GXYLT2: variants seen among roughly 807,000 people sequenced by gnomAD.
The protein encoded by GXYLT2 is glycosyltransferase 8 domain containing 4.
In GXYLT2, 53 loss-of-function variants were observed where a neutral mutation model predicts 45.8. The observed-to-expected ratio is 1.16, with a 90% CI of 0.93 to 1.46. The LOEUF (loss-of-function observed/expected upper bound fraction) is 1.46, where lower values mean the gene tolerates loss of function less well. Among genes scored for constraint, GXYLT2 ranks in the 40% most tolerant of loss-of-function variants. The probability of loss-of-function intolerance (pLI) is 0.00; values close to 1 mark genes in which losing one functional copy is unlikely to be tolerated. For synonymous variants in GXYLT2, 219 were observed against 214.2 expected (o/e 1.02, Z -0.19); for missense variants, 551 against 544.4 (o/e 1.01, Z -0.12).
At chr3:72,922,850 G>A (rs145770255) in intron 3 of GXYLT2, among the ~76,000 whole-genome samples, 4 of 152,132 alleles carry the variant, frequency 2.6e-5, no homozygotes, top group Admixed American at 6.5e-5. Flanking sequence ...CCGGCATGGC[G>A]GCTCACACCT....
At chr3:72,967,402 A>G (rs1710886618) in intron 5 of GXYLT2, 145 bp from the exon 6 acceptor site, 1 of 564,500 alleles carries the variant, frequency 1.8e-6, no homozygotes, top group Admixed American at 3.4e-5. Context: ...ATGGGGCAAA[A>G]TTTGATCTAT....
At chr3:72,915,357 G>GT (rs1491128699) in intron 2 of GXYLT2, among the ~76,000 whole-genome samples, 2 of 54,676 alleles carry the variant, frequency 3.7e-5, no homozygotes, top group African/African-American at 2.9e-4. Context: ...TTTTTTTTGC[G>GT]GGGGGGGGGG....
Position 72,908,366 on chromosome 3 carries a change from G to A in GXYLT2, c.276-1G>A. 6.3e-7 allele frequency: 1 copy of A among 1,578,250 alleles called. No homozygotes were observed. The highest frequency in any genetic ancestry group is 1.2e-5 in the South Asian group (1 of 85,428). On this transcript the variant is annotated splice_acceptor_variant, in intron 1 of 6. Transcript: ENST00000389617. LOFTEE classifies it high-confidence loss of function. ...CTTTCACTTGTTTTCCCTCTTTCTA[G>A]GAGGCCTGGAGAACCCAGGAGTTTC...
chr3:72,973,159 T>C, intron 6 of GXYLT2, among the ~76,000 whole-genome samples: 1 of 151,454 alleles, frequency 6.6e-6, no homozygotes, highest in South Asian at 2.1e-4. Context: ...GTAAAAAGAG[T>C]GGGCTGATGG....
At chr3:72,945,166 T>TA (rs1310107672) in intron 3 of GXYLT2, among the ~76,000 whole-genome samples, 1 of 149,532 alleles carries the variant, frequency 6.7e-6, no homozygotes, top group East Asian at 1.9e-4. Context: ...CAGGCGCCTG[T>TA]AGTCCCTGCT....
chr3:72,954,147 A>C (rs1710578576), intron 3 of GXYLT2, among the ~76,000 whole-genome samples: 1 of 151,946 alleles, frequency 6.6e-6, no homozygotes, highest in East Asian at 1.9e-4. Context: ...CTCTGTTGCC[A>C]GGCTAGAGTG....
At chr3:72,934,644 G>A (rs146422790) in intron 3 of GXYLT2, among the ~76,000 whole-genome samples, 1 of 152,228 alleles carries the variant, frequency 6.6e-6, no homozygotes, top group Admixed American at 6.5e-5. Context: ...CAGATTGCCT[G>A]TTTCATACTG....
At chr3:72,918,542 G>A (rs1019580382) in intron 2 of GXYLT2, among the ~76,000 whole-genome samples, 5 of 152,076 alleles carry the variant, frequency 3.3e-5, no homozygotes, top group African/African-American at 9.7e-5. Context: ...AAATTGAGAA[G>A]GGCCAGCCAC....
At chr3:72,907,174 C>T (rs908523794) in intron 1 of GXYLT2, among the ~76,000 whole-genome samples, 18 of 152,186 alleles carry the variant, frequency 1.2e-4, no homozygotes, top group Middle Eastern at 3.4e-3. Context: ...CTGTGATCCC[C>T]GAAGTAAATG....
chr3:72,942,898 T>G (rs886605169), intron 3 of GXYLT2, among the ~76,000 whole-genome samples: 1 of 152,196 alleles, frequency 6.6e-6, no homozygotes, highest in African/African-American at 2.4e-5. Flanking sequence ...GTTCTTTAGT[T>G]TATTTAGTAG....
chr3:72,918,544 G>A (rs1343560684), intron 2 of GXYLT2, among the ~76,000 whole-genome samples: 2 of 152,094 alleles, frequency 1.3e-5, no homozygotes, highest in Non-Finnish European at 2.9e-5. Flanking sequence ...ATTGAGAAGG[G>A]CCAGCCACGG....
In GXYLT2 at chr3:72,888,140, C is replaced by A; in HGVS notation, c.-94C>A. 1.1e-6 allele frequency: 1 copy of A among 883,898 alleles called. No homozygotes were observed. Among genetic ancestry groups the A allele is most frequent in the Non-Finnish European group, 1.4e-6 (1 of 739,102 alleles). The allele number at this position is 883,898 out of a possible 1,614,324, so 54.8% of individuals were successfully genotyped here. A position where few individuals can be genotyped will look rare whatever the true frequency, so the allele number is the denominator to read the frequency against. Reference sequence around the variant, plus strand: ...GTCCCCGGCGGGCGGGCGGAGGAGGCGACCGCCGCGCGCTGCTGCACTCAT... The same window carrying A: ...GTCCCCGGCGGGCGGGCGGAGGAGGAGACCGCCGCGCGCTGCTGCACTCAT... On this transcript the variant is annotated 5_prime_UTR_variant, in exon 1 of 7. Coordinates refer to ENST00000389617, the MANE Select transcript of GXYLT2 (RefSeq NM_001080393.2).
At chr3:72,959,516 C>T (rs1710727683) in intron 5 of GXYLT2, among the ~76,000 whole-genome samples, 1 of 152,192 alleles carries the variant, frequency 6.6e-6, no homozygotes, top group African/African-American at 2.4e-5. Flanking sequence ...CGGCCTCGGC[C>T]TCCCAAAGTG....
At chr3:72,920,224 T>G (rs940569957) in intron 2 of GXYLT2, among the ~76,000 whole-genome samples, 18 of 152,294 alleles carry the variant, frequency 1.2e-4, no homozygotes, top group Admixed American at 9.8e-4. Flanking sequence ...AGCCTCCGCC[T>G]TCCGAGTTGA....
Position 72,908,184 on chromosome 3 carries a change from A to G in GXYLT2, c.276-183A>G, listed in dbSNP as rs990810562. On this transcript the variant is annotated intron_variant, in intron 1 of 6. Transcript: ENST00000389617. Reference sequence around the variant, plus strand: ...TCATCCTGCTATTGCCAGGATAAATATGGGAATAAATGGTATTTTTCTCTA... The same window carrying G: ...TCATCCTGCTATTGCCAGGATAAATGTGGGAATAAATGGTATTTTTCTCTA... The G allele has an allele frequency of 5.3e-6, 3 of 567,218 alleles. No homozygotes were observed. The African/African-American group carries it at 5.6e-5, about 11-fold the overall frequency. The allele number at this position is 567,218 out of a possible 1,614,324, so 35.1% of individuals were successfully genotyped here.
intron 3 of GXYLT2, among the ~76,000 whole-genome samples, chr3:72,924,831 A>G (rs141630330): frequency 2.4e-4 from 36 of 152,256 alleles, no homozygotes; most frequent in Non-Finnish European, 4.6e-4. Context: ...TTCAACCATT[A>G]ATGACCTACA....
chr3:72,888,430 G>T lies in GXYLT2; in HGVS notation c.197G>T (p.Gly66Val). 1 of 1,137,682 alleles carries T rather than the reference G, an allele frequency of 8.8e-7. No homozygotes were observed. The highest frequency in any genetic ancestry group is 3.1e-5 in the South Asian group (1 of 32,290). 70.5% of individuals were successfully genotyped at this position (1,137,682 alleles called of 1,614,324 possible). ...GPGALPGASP[G>V]VRRRRPPRPR... ...GGCGCCCTCCCCGGGGCCAGCCCGGGAGTTCGGAGGCGCCGGCCCCCGCGT... is the reference window on the plus strand; with the variant it reads ...GGCGCCCTCCCCGGGGCCAGCCCGGTAGTTCGGAGGCGCCGGCCCCCGCGT... The change falls in exon 1 of 7, where the codon GGA becomes GTA. Residue 66 changes from glycine (G) to valine (V), a missense_variant. By Grantham distance (109) the Gly-to-Val change is moderately radical (BLOSUM62 -3). Transcript: ENST00000389617.
At chr3:72,892,537 A>ACT (rs1709202612) in intron 1 of GXYLT2, among the ~76,000 whole-genome samples, 1 of 151,482 alleles carries the variant, frequency 6.6e-6, no homozygotes, top group Non-Finnish European at 1.5e-5. Flanking sequence ...CCCTCCCAGA[A>ACT]TTTGAGGGAA....
chr3:72,943,964 G>A (rs1177660911), intron 3 of GXYLT2, among the ~76,000 whole-genome samples: 1 of 152,040 alleles, frequency 6.6e-6, no homozygotes, highest in Non-Finnish European at 1.5e-5. Flanking sequence ...GATTACAGGC[G>A]TGAGCCACCA....
Sources: gnomAD v4.1 joint callset for allele counts (sites outside exome capture counted in the v4.1 genomes callset) on GRCh38, gnomAD v4.1.1 for gene constraint, MANE v1.5 for transcripts, NCBI Gene and HGNC (gene_info 2026-07-23, HGNC 2026-07-21) for gene names.